MIA2: variants seen among roughly 807,000 people sequenced by gnomAD.
The protein encoded by MIA2 is MIA SH3 domain ER export factor 2.
Under a neutral mutation model 167.8 loss-of-function variants are expected in MIA2, and 127 were observed. The ratio of observed to expected loss-of-function variants is 0.76; its 90% CI spans 0.66 to 0.88. The LOEUF is 0.88. MIA2 is among the 40% of genes least tolerant of loss of function. The pLI, the probability that MIA2 is intolerant of heterozygous loss-of-function variation, is 0.00. For synonymous variants in MIA2, 552 were observed against 541.9 expected (o/e 1.02, Z -0.26); for missense variants, 1,690 against 1,624.7 (o/e 1.04, Z -0.69).
chr14:39,354,793 C>T (rs1351316573), downstream of MIA2, among the ~76,000 whole-genome samples: 1 of 152,128 alleles, frequency 6.6e-6, no homozygotes, highest in Non-Finnish European at 1.5e-5. Flanking sequence ...AGCCAGTTTT[C>T]CCAGCACCAT....
Position 39,247,430 on chromosome 14 carries a change from T to G in MIA2, c.856T>G (p.Ser286Ala). The G allele has an allele frequency of 6.2e-7, 1 of 1,614,086 alleles. No homozygotes were observed. Among genetic ancestry groups the G allele is most frequent in the Non-Finnish European group, 8.5e-7 (1 of 1,180,006 alleles). ...HQQESESEID[S>A]VPKTQSELAS... ...GCAAGAATCTGAATCAGAAATTGATTCAGTGCCAAAGACACAGTCTGAACT... is the reference window on the plus strand; with the variant it reads ...GCAAGAATCTGAATCAGAAATTGATGCAGTGCCAAAGACACAGTCTGAACT... Residue 286 changes from serine (S) to alanine (A), a missense_variant, in exon 4 of 29, where the codon TCA (serine) becomes GCA (alanine). Transcript: ENST00000640607.
intron 10 of MIA2, 116 bp from the exon 11 acceptor site, chr14:39,293,155 G>A (rs2060958808): frequency 1.3e-6 from 1 of 745,824 alleles, no homozygotes; most frequent in African/African-American, 1.8e-5. Context: ...ATAAAAATGA[G>A]CAAATGTATA....
chr14:39,350,380 T>C lies in MIA2; in HGVS notation c.*116T>C. On this transcript the variant is annotated 3_prime_UTR_variant, in exon 29 of 29. Transcript: ENST00000640607. ...AAATTGAAGCTTAATGGAATTATAA[T>C]TCTCAGGATAGTATTTTGTAAATAA... 1.9e-6 allele frequency: 1 copy of C among 516,290 alleles called. No individual in the cohort carries two copies. Among genetic ancestry groups the C allele is most frequent in the South Asian group, 4.3e-5 (1 of 23,196 alleles). The allele number at this position is 516,290 out of a possible 1,614,324, so 32.0% of individuals were successfully genotyped here. A position where few individuals can be genotyped will look rare whatever the true frequency, so the allele number is the denominator to read the frequency against.
chr14:39,297,672 T>TGC (rs1555375105), intron 13 of MIA2, among the ~76,000 whole-genome samples: 4 of 150,658 alleles, frequency 2.7e-5, no homozygotes, highest in South Asian at 2.1e-4. Flanking sequence ...TTTGCGTGTG[T>TGC]GTGTGTGTGT....
At chr14:39,243,379 T>C (rs1319576146) in intron 3 of MIA2, among the ~76,000 whole-genome samples, 2 of 152,166 alleles carry the variant, frequency 1.3e-5, no homozygotes, top group Admixed American at 6.5e-5. Context: ...ACAGTTACTA[T>C]TCTAAACACT....
chr14:39,373,410 G>T (rs1468050573), intron 23 of MIA2, among the ~76,000 whole-genome samples: 1 of 150,994 alleles, frequency 6.6e-6, no homozygotes, highest in Admixed American at 6.6e-5. Context: ...ACTTGAATGA[G>T]ATTTTAAAGT....
At chr14:39,382,953 G>GTT (rs10689511) in intron 23 of MIA2, among the ~76,000 whole-genome samples, 23,442 of 74,092 alleles carry the variant, frequency 0.32, 2,965 homozygotes, top group Non-Finnish European at 0.39. Context: ...TATGGCCACA[G>GTT]TTTTTTTTTT....
chr14:39,269,397 T>C (rs2056715564), intron 6 of MIA2, among the ~76,000 whole-genome samples: 1 of 152,078 alleles, frequency 6.6e-6, no homozygotes, highest in Admixed American at 6.6e-5. Context: ...TCTATGAACA[T>C]GTCTATTCTG....
chr14:39,299,714 G>A, intron 13 of MIA2, 150 bp from the exon 14 acceptor site: 1 of 606,558 alleles, frequency 1.6e-6, no homozygotes, highest in South Asian at 2.4e-5. Context: ...GTTGAAGAAT[G>A]TGTGTGTTAT....
At chr14:39,290,585 A>G (rs1372122386) in intron 9 of MIA2, among the ~76,000 whole-genome samples, 1 of 152,160 alleles carries the variant, frequency 6.6e-6, no homozygotes, top group African/African-American at 2.4e-5. Context: ...CAGTTGCTAT[A>G]TATTTCTCTT....
chr14:39,304,830 A>G (rs992829427), intron 17 of MIA2, among the ~76,000 whole-genome samples: 1 of 152,180 alleles, frequency 6.6e-6, no homozygotes, highest in Non-Finnish European at 1.5e-5. Context: ...ACCTGTAGAA[A>G]TGAAGGTGTT....
chr14:39,369,230 G>A (rs2074886255), intron 23 of MIA2, among the ~76,000 whole-genome samples: 1 of 152,134 alleles, frequency 6.6e-6, no homozygotes, highest in Non-Finnish European at 1.5e-5. Flanking sequence ...TAGGGATCTG[G>A]TTGGCAGGGT....
At chr14:39,351,522 T>C (rs1304996289), downstream of MIA2, 3 of 152,224 alleles carry the variant, frequency 2.0e-5, no homozygotes, top group Non-Finnish European at 2.9e-5. Context: ...AAAATTCTTA[T>C]GTTGAAATAC....
In MIA2 at chr14:39,247,276, T is replaced by G; in HGVS notation, c.702T>G (p.Ala234=). The change falls in exon 4 of 29, where the codon GCT becomes GCG. Residue 234 remains alanine (A), a synonymous_variant. Coordinates refer to ENST00000640607, the MANE Select transcript of MIA2 (RefSeq NM_001329214.4). ...KEWFGLGGEQ[A]EEKAFESVIE... Reference sequence around the variant, plus strand: ...GGTTTGGATTGGGAGGAGAACAAGCTGAAGAGAAGGCTTTTGAATCAGTTA... The same window carrying G: ...GGTTTGGATTGGGAGGAGAACAAGCGGAAGAGAAGGCTTTTGAATCAGTTA... The G allele has an allele frequency of 6.2e-7, 1 of 1,613,878 alleles. No individual in the cohort carries two copies. Among genetic ancestry groups the G allele is most frequent in the South Asian group, 1.1e-5 (1 of 91,016 alleles).
intron 6 of MIA2, chr14:39,266,314 C>T: frequency 1.0e-6 from 1 of 985,324 alleles, no homozygotes; most frequent in Non-Finnish European, 1.2e-6. Flanking sequence ...CCGTCTCCTA[C>T]GAACAAATCC....
At chr14:39,293,950 T>G (rs2061068999) in intron 11 of MIA2, 50 bp from the exon 12 acceptor site, 1 of 1,423,052 alleles carries the variant, frequency 7.0e-7, no homozygotes, top group African/African-American at 1.4e-5. Flanking sequence ...ACATGGCATT[T>G]TGGAAACTAG....
intron 17 of MIA2, among the ~76,000 whole-genome samples, chr14:39,308,065 ATTTC>A (rs2063644711): frequency 6.6e-6 from 1 of 152,084 alleles, no homozygotes; most frequent in South Asian, 2.1e-4. Flanking sequence ...GTATATTTAT[ATTTC>A]TTTTTCTTAG....
intron 6 of MIA2, chr14:39,269,159 T>A (rs1355868978): frequency 7.0e-6 from 4 of 569,870 alleles, no homozygotes; most frequent in South Asian, 7.8e-5. Flanking sequence ...CCGCTTTAAA[T>A]TTTTTTTTTA....
intron 6 of MIA2, among the ~76,000 whole-genome samples, chr14:39,270,820 T>C (rs527677962): frequency 6.6e-6 from 1 of 152,342 alleles, no homozygotes; most frequent in African/African-American, 2.4e-5. Context: ...GGTGGTCTTT[T>C]TATTGTTGAG....
Sources: gnomAD v4.1 joint callset for allele counts (sites outside exome capture counted in the v4.1 genomes callset) on GRCh38, gnomAD v4.1.1 for gene constraint, MANE v1.5 for transcripts, NCBI Gene and HGNC (gene_info 2026-07-23, HGNC 2026-07-21) for gene names.